The following CFAP46 variants were observed in gnomAD, a reference collection of about 807,000 sequenced individuals.
CFAP46 encodes the protein cilia- and flagella-associated protein 46.
Under a neutral mutation model 325.7 loss-of-function variants are expected in CFAP46, and 245 were observed. The ratio of observed to expected loss-of-function variants is 0.75; its 90% CI spans 0.68 to 0.84. The LOEUF (loss-of-function observed/expected upper bound fraction) is 0.84. Among genes scored for constraint, CFAP46 ranks in the 40% least tolerant of loss-of-function variants. CFAP46 has a pLI of 0.00. For synonymous variants in CFAP46, 1,523 were observed against 1,495.9 expected, an observed-to-expected ratio of 1.02 and a Z score of -0.42; for missense variants, 3,346 against 3,543.0, an observed-to-expected ratio of 0.94 and a Z score of 1.41.
At position 132,891,159 on chromosome 10, in the gene CFAP46, C is replaced by T. The variant is rs983485323; in HGVS notation, c.3304+1174G>A. Among the ~76,000 whole-genome samples the T allele has an allele frequency of 1.2e-4, 19 of 152,352 alleles. 1 individual carries two copies. In the South Asian group the frequency reaches 1.9e-3, roughly 15 times the overall value. ...TAGAGGCCAGACTTCGCGGCAGCCACGACCAGGGGGACAGTGCCCACTCTG... is the reference window on the plus strand; with the variant it reads ...TAGAGGCCAGACTTCGCGGCAGCCATGACCAGGGGGACAGTGCCCACTCTG... On this transcript the variant is annotated intron_variant, in intron 25 of 57. Transcript: ENST00000368586.
At position 132,908,654 on chromosome 10, in the gene CFAP46, G is replaced by GA; in HGVS notation, c.2758-21dup. 6.6e-7 allele frequency: 1 copy of GA among 1,520,106 alleles called. No individual in the cohort carries two copies. Among genetic ancestry groups the GA allele is most frequent in the Non-Finnish European group, 8.8e-7 (1 of 1,131,272 alleles). 94.2% of individuals were successfully genotyped at this position (1,520,106 alleles called of 1,614,324 possible). A position where few individuals can be genotyped will look rare whatever the true frequency, so the allele number is the denominator to read the frequency against. ...CACCAACTTCCGGTGGGTGGCAAGA[G>GA]AAGGGGCACCGTGTTAGCAACAACG... On this transcript the variant is annotated intron_variant, in intron 21 of 57. Transcript: ENST00000368586.
At position 132,810,325 on chromosome 10, in the gene CFAP46, C is replaced by T; in HGVS notation, c.7664+84G>A. On this transcript the variant is annotated intron_variant, in intron 57 of 57. Coordinates refer to ENST00000368586, the MANE Select transcript of CFAP46 (RefSeq NM_001200049.3). ...GGAGAAGCGGAGACACCTGTCCCTG[C>T]AGGGCTGTGCAGTGCACGTGCCCCA... 4 of 1,144,302 alleles carry T rather than the reference C, an allele frequency of 3.5e-6. No individual in the cohort carries two copies. In the South Asian group the frequency reaches 4.9e-5, roughly 14 times the overall value. 70.9% of individuals were successfully genotyped at this position (1,144,302 alleles called of 1,614,324 possible).
chr10:132,940,112 G>A (rs919122470), intron 4 of CFAP46, among the ~76,000 whole-genome samples: 3 of 151,996 alleles, frequency 2.0e-5, no homozygotes, highest in Non-Finnish European at 4.4e-5. Context: ...GGGCCTCCCC[G>A]TCCCTGTCCC....
At chr10:132,812,359 A>G (rs1378392732) in intron 55 of CFAP46, among the ~76,000 whole-genome samples, 1 of 152,176 alleles carries the variant, frequency 6.6e-6, no homozygotes, top group Non-Finnish European at 1.5e-5. Context: ...CGGCTGGTGG[A>G]TGGCGAAGGG....
chr10:132,850,826 A>G (rs929379008), intron 40 of CFAP46, among the ~76,000 whole-genome samples: 4 of 152,148 alleles, frequency 2.6e-5, no homozygotes, highest in African/African-American at 9.7e-5. Context: ...TAATCCACAT[A>G]TGCATTAATT....
At chr10:132,898,778 G>A (rs997084392) in intron 24 of CFAP46, 181 bp downstream of exon 24, 6 of 796,750 alleles carry the variant, frequency 7.5e-6, no homozygotes, top group African/African-American at 1.7e-5. Flanking sequence ...GTCCAGCAGG[G>A]GCCCCCGCAG....
In CFAP46 at chr10:132,919,359, A is replaced by G. The variant is rs146983053; in HGVS notation, c.1814T>C (p.Leu605Pro). The G allele has an allele frequency of 5.8e-4, 900 of 1,550,100 alleles. No homozygotes were observed. The highest frequency in any genetic ancestry group is 7.1e-4 in the Non-Finnish European group (817 of 1,146,874). The change falls in exon 15 of 58, where the codon CTC (leucine) becomes CCC (proline). Residue 605 changes from leucine to proline, a missense_variant. Transcript: ENST00000368586. The surrounding 1 kb of genome is among the most constrained non-coding windows in gnomAD (Gnocchi z 9.7). The stretch of plus-strand genomic sequence containing the variant: ...CTTCACCTTGACGTTGTCATACAGG[A>G]GGCAGAAGCGGCTCGCCGTCCGACA... ...DVCRTASRFC[L>P]LYDNVKVKKL...
Position 132,936,235 on chromosome 10 carries a change from C to A in CFAP46, c.755+726G>T, listed in dbSNP as rs375826139. ...TCCTCACTCCCCTCGGCACCCAAAC[C>A]CACTGCGATCTCCTCACTCCCCTCA... On this transcript the variant is annotated intron_variant, in intron 7 of 57. Coordinates refer to ENST00000368586, the MANE Select transcript of CFAP46 (RefSeq NM_001200049.3). Among the ~76,000 whole-genome samples, 23 of 89,966 alleles carry A rather than the reference C, an allele frequency of 2.6e-4. 1 individual carries two copies. Among genetic ancestry groups the A allele is most frequent in the African/African-American group, 5.1e-4 (12 of 23,334 alleles). 59.0% of individuals were successfully genotyped at this position (89,966 alleles called of 152,430 possible).
chr10:132,877,207 G>A lies in CFAP46; in HGVS notation c.4213-246C>T, dbSNP rs144528505. Among the ~76,000 whole-genome samples, 1,506 of 152,310 alleles carry A rather than the reference G, an allele frequency of 9.9e-3. 15 individuals are homozygous for A. Among genetic ancestry groups the A allele is most frequent in the South Asian group, 0.043 (209 of 4,818 alleles). The stretch of plus-strand genomic sequence containing the variant: ...GGGGGTGCCCAGGCTCAGGACTCCC[G>A]AGAGCTAAGGCTCTGCAGCCTCTGC... On this transcript the variant is annotated intron_variant, in intron 30 of 57. Coordinates refer to ENST00000368586, the MANE Select transcript of CFAP46 (RefSeq NM_001200049.3). The surrounding 1 kb of genome is among the most constrained non-coding windows in gnomAD (Gnocchi z 5.7).
rs774518409 is a variant in CFAP46, at chr10:132,814,943, G to A, written c.7118-29C>T. 24 of 1,610,418 alleles carry A rather than the reference G, an allele frequency of 1.5e-5. No individual in the cohort carries two copies. The East Asian group carries it at 4.7e-4, about 31-fold the overall frequency. On this transcript the variant is annotated intron_variant, in intron 50 of 57. Coordinates refer to ENST00000368586, the MANE Select transcript of CFAP46 (RefSeq NM_001200049.3). ...TTGAAGACAAGAAAGAGGCAGGGAT[G>A]TTTGGCAGCAGCTCGAGGCAGCCCT...
intron 25 of CFAP46, among the ~76,000 whole-genome samples, chr10:132,887,168 TTTC>T (rs1849149040): frequency 5.0e-5 from 2 of 39,680 alleles, no homozygotes; most frequent in African/African-American, 1.3e-4. Flanking sequence ...CTCTCTCTTC[TTTC>T]CTCTCCCCTC....
chr10:132,883,579 A>G (rs1449791432), intron 27 of CFAP46, among the ~76,000 whole-genome samples: 1 of 152,248 alleles, frequency 6.6e-6, no homozygotes, highest in Non-Finnish European at 1.5e-5. Context: ...ATGGCCCCAC[A>G]CAGGGCGACC....
intron 25 of CFAP46, among the ~76,000 whole-genome samples, chr10:132,891,615 C>T (rs11146563): frequency 0.011 from 1,639 of 152,320 alleles, 29 homozygotes; most frequent in African/African-American, 0.037. Context: ...GGAGAATGCC[C>T]TTTTCCCTCT....
rs1356577508 is a variant in CFAP46 at position 132,881,603 on chromosome 10, G to T, written c.3628-571C>A. ...CAGAGCCTCAGCCCTGAGAGCCAGG[G>T]TTAGCCTGCACCGCACCCTCCGCAG... is the stretch of plus-strand genomic sequence containing the variant. On this transcript the variant is annotated intron_variant, in intron 27 of 57. Coordinates refer to ENST00000368586, the MANE Select transcript of CFAP46 (RefSeq NM_001200049.3). Among the ~76,000 whole-genome samples, 3 of 148,286 alleles carry T rather than the reference G, an allele frequency of 2.0e-5. No individual in the cohort carries two copies. The East Asian group carries it at 5.9e-4, about 29-fold the overall frequency.
Position 132,889,987 on chromosome 10 carries a change from A to T in CFAP46, c.3304+2346T>A, listed in dbSNP as rs1849232269. ...AGGAGCGTACATTTTCGTATCTGTG[A>T]AAAGTGCTCCTTTCCACAAAATCTC... On this transcript the variant is annotated intron_variant, in intron 25 of 57. Coordinates refer to ENST00000368586, the MANE Select transcript of CFAP46 (RefSeq NM_001200049.3). This position sits in a 1 kb window ranked among gnomAD's most constrained non-coding sequence, Gnocchi z 6.0. 6.6e-6 allele frequency among the ~76,000 whole-genome samples: 1 copy of T among 152,238 alleles called. No homozygotes were observed. The highest frequency in any genetic ancestry group is 1.5e-5 in the Non-Finnish European group (1 of 68,034).
intron 50 of CFAP46, among the ~76,000 whole-genome samples, chr10:132,826,739 G>A (rs1182665047): frequency 6.6e-6 from 1 of 151,052 alleles, no homozygotes; most frequent in African/African-American, 2.4e-5. Context: ...ACGGAGCCAG[G>A]CAGAAGCTGG....
chr10:132,835,426 T>G lies in CFAP46; in HGVS notation c.6622A>C (p.Lys2208Gln). Reference sequence around the variant, plus strand: ...GGACTTATGGCCAGACGCATCACCTTGCAGGAGCCTGTGGGGACATGGACA... The same window carrying G: ...GGACTTATGGCCAGACGCATCACCTGGCAGGAGCCTGTGGGGACATGGACA... Reference protein sequence around the residue: ...GKVQAVGGSCKVMRLAISPTA... With the variant: ...GKVQAVGGSCQVMRLAISPTA... Residue 2208 changes from lysine (K) to glutamine (Q), a missense_variant, in exon 47 of 58, where the codon AAG becomes CAG. Physicochemically the swap from Lys to Gln is moderately conservative, Grantham distance 53. Transcript: ENST00000368586. 1 of 1,613,238 alleles carries G rather than the reference T, an allele frequency of 6.2e-7. No individual in the cohort carries two copies. The highest frequency in any genetic ancestry group is 8.5e-7 in the Non-Finnish European group (1 of 1,179,836).
chr10:132,886,392 G>A lies in CFAP46; in HGVS notation c.3305-433C>T, dbSNP rs554332001. On this transcript the variant is annotated intron_variant, in intron 25 of 57. Transcript: ENST00000368586. The surrounding 1 kb of genome is among the most constrained non-coding windows in gnomAD (Gnocchi z 5.8). ...TCCTCATGCTTGGTGCCCGCAGCAC[G>A]GGAACAATCCCCGAGTCTCCACGCA... Among the ~76,000 whole-genome samples the A allele has an allele frequency of 6.6e-6, 1 of 152,150 alleles. No individual in the cohort carries two copies. Among genetic ancestry groups the A allele is most frequent in the East Asian group, 1.9e-4 (1 of 5,186 alleles).
rs1003903401 is a variant in CFAP46, at chr10:132,832,137, T to C, written c.7117+1221A>G. Among the ~76,000 whole-genome samples, 5 of 152,224 alleles carry C rather than the reference T, an allele frequency of 3.3e-5. No homozygotes were observed. Among genetic ancestry groups the C allele is most frequent in the African/African-American group, 1.2e-4 (5 of 41,456 alleles). On this transcript the variant is annotated intron_variant, in intron 50 of 57. Transcript: ENST00000368586. The surrounding 1 kb of genome is among the most constrained non-coding windows in gnomAD (Gnocchi z 4.1). The stretch of plus-strand genomic sequence containing the variant: ...GCTCTAAGCTTTTTGCTCAAAAATA[T>C]TTTAAAGAGATTTTGAAAATAAAGG...
Sources: gnomAD v4.1 joint callset for allele counts (sites outside exome capture counted in the v4.1 genomes callset) on GRCh38, gnomAD v4.1.1 for gene constraint, Gnocchi (gnomAD v3.1) non-coding constraint, MANE v1.5 for transcripts, NCBI Gene and HGNC (gene_info 2026-07-23, HGNC 2026-07-21) for gene names.